Variants in RIPOR3 observed in about 807,000 individuals in gnomAD.
RIPOR3 encodes the protein family with sequence similarity 65 member C.
A neutral mutation model predicts 114.3 loss-of-function variants in RIPOR3; 95 were observed. The observed-to-expected ratio is 0.83, with a 90% CI of 0.70 to 0.99. RIPOR3 has a LOEUF of 0.99. Ranked by LOEUF, RIPOR3 falls within the 50% of genes least tolerant of loss-of-function variation. The probability of loss-of-function intolerance (pLI) is 0.00; values close to 1 mark genes in which losing one functional copy is unlikely to be tolerated. For synonymous variants in RIPOR3, 575 were observed against 543.8 expected, an observed-to-expected ratio of 1.06 and a Z score of -0.80; for missense variants, 1,252 against 1,266.9, an observed-to-expected ratio of 0.99 and a Z score of 0.18.
At position 50,677,988 on chromosome 20, in the gene RIPOR3, G is replaced by A. The variant is rs75363005; in HGVS notation, c.3+13138C>T. On this transcript the variant is annotated intron_variant, in intron 1 of 21. Coordinates refer to ENST00000327979, the MANE Select transcript of RIPOR3 (RefSeq NM_001290268.2). The stretch of plus-strand genomic sequence containing the variant: ...CCTGGCCTTATTATTCGTCTTCTTA[G>A]TCTGCTTTCAGATGAGGACACGGAG... 8.7e-3 allele frequency among the ~76,000 whole-genome samples: 1,328 copies of A among 152,232 alleles called. 16 individuals carry two copies. Among genetic ancestry groups the A allele is most frequent in the Non-Finnish European group, 0.014 (934 of 68,008 alleles).
At chr20:50,625,314 C>T (rs1203559695) in intron 2 of RIPOR3, among the ~76,000 whole-genome samples, 2 of 152,174 alleles carry the variant, frequency 1.3e-5, no homozygotes, top group South Asian at 2.1e-4. Context: ...TCAAGTGATC[C>T]GCCTGCCTTG....
intron 1 of RIPOR3, among the ~76,000 whole-genome samples, chr20:50,683,572 C>T (rs2086927259): frequency 1.3e-5 from 2 of 151,956 alleles, no homozygotes; most frequent in Non-Finnish European, 2.9e-5. Context: ...TGTGCCTCAG[C>T]CTCCCGAGTA....
chr20:50,619,972 CA>C lies in RIPOR3; in HGVS notation c.269+13del. On this transcript the variant is annotated intron_variant, in intron 3 of 21. Transcript: ENST00000327979. ...GAATGCACTTCTTAAAGGCAGCACA[CA>C]GCCCAGCCTTACTTGAGGCCTCTTT... 6.2e-7 allele frequency: 1 copy of C among 1,606,056 alleles called. No individual in the cohort carries two copies. The highest frequency in any genetic ancestry group is 8.5e-7 in the Non-Finnish European group (1 of 1,173,444).
chr20:50,675,108 T>TGCAAAGATG (rs2086641236), intron 1 of RIPOR3, among the ~76,000 whole-genome samples: 1 of 152,020 alleles, frequency 6.6e-6, no homozygotes, highest in Non-Finnish European at 1.5e-5. Context: ...GAAGTGGTGG[T>TGCAAAGATG]GCAAAGATGG....
chr20:50,621,922 T>C (rs1009821387), intron 2 of RIPOR3, among the ~76,000 whole-genome samples: 1 of 152,074 alleles, frequency 6.6e-6, no homozygotes, highest in African/African-American at 2.4e-5. Flanking sequence ...CAAGACTGAT[T>C]ATAGGAGTAC....
intron 1 of RIPOR3, among the ~76,000 whole-genome samples, chr20:50,654,430 T>TG (rs1270762704): frequency 1.5e-5 from 2 of 131,178 alleles, no homozygotes; most frequent in African/African-American, 2.9e-5. Flanking sequence ...GAGTTTTTTT[T>TG]TTTTTTTTTT....
chr20:50,682,826 C>T (rs2086902375), intron 1 of RIPOR3, among the ~76,000 whole-genome samples: 1 of 150,996 alleles, frequency 6.6e-6, no homozygotes, highest in Non-Finnish European at 1.5e-5. Context: ...CTGCCATGTT[C>T]AAGTAATTCT....
intron 1 of RIPOR3, among the ~76,000 whole-genome samples, chr20:50,640,908 C>CTT (rs1331789312): frequency 5.2e-5 from 7 of 134,494 alleles, no homozygotes; most frequent in Non-Finnish European, 8.1e-5. Context: ...ATATGCACTT[C>CTT]TTTTTTTTTT....
At chr20:50,609,997 T>C (rs1276281465) in intron 6 of RIPOR3, among the ~76,000 whole-genome samples, 1 of 78,098 alleles carries the variant, frequency 1.3e-5, no homozygotes, top group African/African-American at 4.3e-5. Context: ...CTGCCTCACC[T>C]GCCACCCCTG....
At chr20:50,653,704 C>T (rs974599126) in intron 1 of RIPOR3, among the ~76,000 whole-genome samples, 5 of 152,034 alleles carry the variant, frequency 3.3e-5, no homozygotes, top group African/African-American at 4.8e-5. Context: ...AATTCTCCCA[C>T]CTCAGCCTCC....
intron 1 of RIPOR3, among the ~76,000 whole-genome samples, chr20:50,664,212 C>T (rs755719483): frequency 3.3e-5 from 5 of 152,218 alleles, no homozygotes; most frequent in Non-Finnish European, 5.9e-5. Context: ...TAGGCGTGAG[C>T]CACCGCACCT....
In RIPOR3 at chr20:50,660,879, C is replaced by G. The variant is rs188291467; in HGVS notation, c.4-30023G>C. 9.6e-3 allele frequency among the ~76,000 whole-genome samples: 1,450 copies of G among 151,482 alleles called. 16 individuals carry two copies. Among genetic ancestry groups the G allele is most frequent in the African/African-American group, 0.033 (1,373 of 41,198 alleles). ...AAGGGATCCTCCCACCTCAGCACCC[C>G]CCACCTATGCCCTCAAAGTAGCTGG... is the stretch of plus-strand genomic sequence containing the variant. On this transcript the variant is annotated intron_variant, in intron 1 of 21. Transcript: ENST00000327979.
intron 2 of RIPOR3, among the ~76,000 whole-genome samples, chr20:50,625,204 G>A (rs112782924): frequency 0.04 from 6,067 of 152,200 alleles, 153 homozygotes; most frequent in Middle Eastern, 0.099. Flanking sequence ...CTGAGTAGCT[G>A]GGACCACAGG....
chr20:50,652,552 C>T (rs1165304891), intron 1 of RIPOR3, among the ~76,000 whole-genome samples: 2 of 131,998 alleles, frequency 1.5e-5, no homozygotes, highest in South Asian at 2.4e-4. Flanking sequence ...GATTGCAACA[C>T]GGCACTCCAG....
At chr20:50,681,224 CAA>C (rs752151661) in intron 1 of RIPOR3, among the ~76,000 whole-genome samples, 1,268 of 47,730 alleles carry the variant, frequency 0.027, 25 homozygotes, top group East Asian at 0.2. Context: ...AACTCTGTCT[CAA>C]AAAAAAAAAA....
intron 1 of RIPOR3, among the ~76,000 whole-genome samples, chr20:50,661,664 C>T (rs537240920): frequency 2.0e-4 from 30 of 152,280 alleles, no homozygotes; most frequent in African/African-American, 6.3e-4. Flanking sequence ...TTCTCAGCCT[C>T]GGAACTGCTG....
chr20:50,681,796 G>C (rs6020686), intron 1 of RIPOR3, among the ~76,000 whole-genome samples: 124,469 of 152,186 alleles, frequency 0.82, 51,703 homozygotes, highest in East Asian at 0.96. Flanking sequence ...TAATCCCTAC[G>C]CCATGTGTTC....
chr20:50,628,556 T>TC (rs2084707462), intron 2 of RIPOR3, among the ~76,000 whole-genome samples: 1 of 151,644 alleles, frequency 6.6e-6, no homozygotes, highest in African/African-American at 2.4e-5. Context: ...CTGCCTCCAC[T>TC]CCCCATGCCC....
At chr20:50,662,488 G>A (rs1008362166) in intron 1 of RIPOR3, among the ~76,000 whole-genome samples, 5 of 152,188 alleles carry the variant, frequency 3.3e-5, no homozygotes, top group Non-Finnish European at 5.9e-5. Flanking sequence ...CTTCATAGGT[G>A]CAGCCGTGAC....
Sources: allele counts gnomAD v4.1 joint callset (sites outside exome capture counted in the v4.1 genomes callset), GRCh38; gene constraint gnomAD v4.1.1; transcripts MANE v1.5; gene names NCBI Gene and HGNC (gene_info 2026-07-23, HGNC 2026-07-21).